The following ANGPT2 variants were observed in gnomAD, a reference collection of about 807,000 sequenced individuals.
ANGPT2 encodes the protein angiopoietin-2.
In ANGPT2, 28 loss-of-function variants were observed where a neutral mutation model predicts 62.9. The observed-to-expected ratio is 0.44, with a 90% CI of 0.33 to 0.61. ANGPT2 has a LOEUF of 0.61. Among genes scored for constraint, ANGPT2 ranks in the 20% least tolerant of loss-of-function variants. The probability of loss-of-function intolerance (pLI) is 0.03; values close to 1 mark genes in which losing one functional copy is unlikely to be tolerated. For missense variants in ANGPT2, 727 were observed against 594.9 expected (o/e 1.22, Z -2.31); for synonymous variants, 284 against 207.8 (o/e 1.37, Z -3.15).
intron 1 of ANGPT2, among the ~76,000 whole-genome samples, chr8:6,555,614 ACCACG>A (rs1238696504): frequency 6.6e-6 from 1 of 151,788 alleles, no homozygotes; most frequent in Non-Finnish European, 1.5e-5. Context: ...GGCATGTACC[ACCACG>A]CCTGGGTGAT....
Position 6,502,578 on chromosome 8 carries a change from C to T in ANGPT2, c.*523G>A, listed in dbSNP as rs1812406459. 6.6e-6 allele frequency: 1 copy of T among 152,300 alleles called. No individual in the cohort carries two copies. The highest frequency in any genetic ancestry group is 1.5e-5 in the Non-Finnish European group (1 of 68,094). 9.4% of individuals were successfully genotyped at this position (152,300 alleles called of 1,614,324 possible). ...AACTGTTTTTCCAAATATTAAACTT[C>T]TAGTAACCCCTTCTCAGAATATCCC... On this transcript the variant is annotated 3_prime_UTR_variant, in exon 9 of 9. Coordinates refer to ENST00000629816, the MANE Select transcript of ANGPT2 (RefSeq NM_001118887.2).
At chr8:6,513,335 CTTTTT>C (rs1189719867) in intron 7 of ANGPT2, among the ~76,000 whole-genome samples, 2 of 143,228 alleles carry the variant, frequency 1.4e-5, no homozygotes, top group African/African-American at 2.5e-5. Context: ...TTTTCTTTTT[CTTTTT>C]TTTTTTTTTT....
rs1185448042 is a variant in ANGPT2, at chr8:6,502,330, C to G, written c.*771G>C. 6.6e-6 allele frequency: 1 copy of G among 152,006 alleles called. No individual in the cohort carries two copies. Among genetic ancestry groups the G allele is most frequent in the African/African-American group, 2.4e-5 (1 of 41,390 alleles). The allele number at this position is 152,006 out of a possible 1,614,324, so 9.4% of individuals were successfully genotyped here. Reference sequence around the variant, plus strand: ...AAGTTATATTTAATTACTAAAAATACCTTCATATTTAACAATCAGGCAGAA... The same window carrying G: ...AAGTTATATTTAATTACTAAAAATAGCTTCATATTTAACAATCAGGCAGAA... On this transcript the variant is annotated 3_prime_UTR_variant, in exon 9 of 9. Coordinates refer to ENST00000629816, the MANE Select transcript of ANGPT2 (RefSeq NM_001118887.2).
chr8:6,549,922 C>T (rs1316324880), intron 1 of ANGPT2, among the ~76,000 whole-genome samples: 1 of 152,212 alleles, frequency 6.6e-6, no homozygotes, highest in Non-Finnish European at 1.5e-5. Context: ...AAAACAGAGA[C>T]AGCAGGGCTC....
rs79098152 is a variant in ANGPT2 at position 6,555,030 on chromosome 8, T to C, written c.288+7617A>G. Among the ~76,000 whole-genome samples the C allele has an allele frequency of 9.9e-3, 1,500 of 152,080 alleles. 10 individuals carry two copies. Among genetic ancestry groups the C allele is most frequent in the Non-Finnish European group, 0.016 (1,100 of 67,958 alleles). Reference sequence around the variant, plus strand: ...CAGTGGTAGGCAGAGTTCCTTCCCCTTTTTTTTAAACCACACATAAAACAG... The same window carrying C: ...CAGTGGTAGGCAGAGTTCCTTCCCCCTTTTTTTAAACCACACATAAAACAG... On this transcript the variant is annotated intron_variant, in intron 1 of 8. Coordinates refer to ENST00000629816, the MANE Select transcript of ANGPT2 (RefSeq NM_001118887.2).
At chr8:6,541,228 A>G (rs2922870) in intron 1 of ANGPT2, among the ~76,000 whole-genome samples, 64,358 of 152,012 alleles carry the variant, frequency 0.42, 13,774 homozygotes, top group African/African-American at 0.48. Flanking sequence ...CTGACACAGC[A>G]GGGGATGCTT....
At chr8:6,533,994 T>A (rs1820022700) in intron 1 of ANGPT2, among the ~76,000 whole-genome samples, 2 of 152,156 alleles carry the variant, frequency 1.3e-5, no homozygotes, top group Admixed American at 1.3e-4. Context: ...GTTTCCTGTT[T>A]CCGATGCCCC....
rs769115566 is a variant in ANGPT2 at position 6,541,227 on chromosome 8, C to G, written c.289-8740G>C. ...GCACCAGAGGGTTTCCCTGACACAG[C>G]AGGGGATGCTTTGAGGCCCCTTTAA... On this transcript the variant is annotated intron_variant, in intron 1 of 8. Transcript: ENST00000629816. Among the ~76,000 whole-genome samples the G allele has an allele frequency of 4.3e-4, 66 of 152,264 alleles. 1 individual carries two copies. Among genetic ancestry groups the G allele is most frequent in the Non-Finnish European group, 4.0e-4 (27 of 68,018 alleles).
chr8:6,517,380 A>G (rs906886384), intron 5 of ANGPT2, among the ~76,000 whole-genome samples: 3 of 152,216 alleles, frequency 2.0e-5, no homozygotes, highest in Admixed American at 6.5e-5. Flanking sequence ...AACCGTTAGG[A>G]GTCAGGTGTC....
chr8:6,544,794 C>G (rs949092467), intron 1 of ANGPT2, among the ~76,000 whole-genome samples: 24 of 152,314 alleles, frequency 1.6e-4, no homozygotes, highest in African/African-American at 3.4e-4. Context: ...TACCTCCTGA[C>G]TTGAATCTAT....
At chr8:6,523,560 A>G (rs1018151257) in intron 3 of ANGPT2, among the ~76,000 whole-genome samples, 4 of 152,106 alleles carry the variant, frequency 2.6e-5, no homozygotes, top group African/African-American at 9.7e-5. Context: ...AAAGACATGC[A>G]CAGTCAAGGT....
chr8:6,529,278 C>T (rs1818989219), intron 2 of ANGPT2, among the ~76,000 whole-genome samples: 3 of 152,146 alleles, frequency 2.0e-5, no homozygotes, highest in Admixed American at 2.0e-4. Flanking sequence ...CATTGTTGCT[C>T]AATTTGATCG....
chr8:6,559,553 A>G (rs986834276), intron 1 of ANGPT2, among the ~76,000 whole-genome samples: 8 of 145,422 alleles, frequency 5.5e-5, no homozygotes, highest in African/African-American at 2.0e-4. Flanking sequence ...CCTCCGTAGT[A>G]GGCATCAACT....
intron 1 of ANGPT2, among the ~76,000 whole-genome samples, chr8:6,536,427 A>G (rs1820516521): frequency 6.6e-6 from 1 of 152,066 alleles, no homozygotes; most frequent in South Asian, 2.1e-4. Flanking sequence ...GATATATCTC[A>G]AAATTGGCTT....
chr8:6,515,843 C>G (rs532666268), intron 5 of ANGPT2, among the ~76,000 whole-genome samples: 1 of 152,290 alleles, frequency 6.6e-6, no homozygotes, highest in Admixed American at 6.5e-5. Context: ...ACACTGTTCT[C>G]TGTTTACGAG....
intron 1 of ANGPT2, among the ~76,000 whole-genome samples, chr8:6,553,253 A>C (rs979685360): frequency 6.6e-6 from 1 of 152,178 alleles, no homozygotes; most frequent in African/African-American, 2.4e-5. Context: ...CTGTGAACCT[A>C]AAACTGCTCT....
rs1275527007 is a variant in ANGPT2, at chr8:6,501,440, A to T, written c.*1661T>A. 6.6e-6 allele frequency: 1 copy of T among 152,178 alleles called. No homozygotes were observed. The highest frequency in any genetic ancestry group is 1.5e-5 in the Non-Finnish European group (1 of 68,028). 9.4% of individuals were successfully genotyped at this position (152,178 alleles called of 1,614,324 possible). On this transcript the variant is annotated 3_prime_UTR_variant, in exon 9 of 9. Coordinates refer to ENST00000629816, the MANE Select transcript of ANGPT2 (RefSeq NM_001118887.2). ...CTTTAAATTATAAAGCTTTACACAAATGTTCATTAGTATTAATTGTACTAT... is the reference window on the plus strand; with the variant it reads ...CTTTAAATTATAAAGCTTTACACAATTGTTCATTAGTATTAATTGTACTAT...
chr8:6,511,899 CTTT>C (rs34089402), intron 7 of ANGPT2, among the ~76,000 whole-genome samples: 2 of 141,936 alleles, frequency 1.4e-5, no homozygotes, highest in Non-Finnish European at 3.1e-5. Flanking sequence ...TTTTGTGCTT[CTTT>C]TTTTTTTTTT....
At chr8:6,547,809 C>T (rs946756245) in intron 1 of ANGPT2, among the ~76,000 whole-genome samples, 7 of 151,920 alleles carry the variant, frequency 4.6e-5, no homozygotes, top group Admixed American at 1.3e-4. Context: ...AGGGGAGCAC[C>T]GGAAGAAGGG....
Sources: gnomAD v4.1 joint callset for allele counts (sites outside exome capture counted in the v4.1 genomes callset) on GRCh38, gnomAD v4.1.1 for gene constraint, MANE v1.5 for transcripts, NCBI Gene and HGNC (gene_info 2026-07-23, HGNC 2026-07-21) for gene names.